MPZL1: variants seen among roughly 807,000 people sequenced by gnomAD.
MPZL1 encodes myelin protein zero like 1.
In MPZL1, 16 loss-of-function variants were observed where a neutral mutation model predicts 29.3. The ratio of observed to expected loss-of-function variants is 0.55; its 90% confidence interval spans 0.37 to 0.83. The LOEUF (loss-of-function observed/expected upper bound fraction) is 0.83. MPZL1 is among the 40% of genes least tolerant of loss of function. The pLI is 0.00. For missense variants in MPZL1, 279 were observed against 332.9 expected (o/e 0.84, Z 1.26); for synonymous variants, 143 against 132.0 (o/e 1.08, Z -0.57).
intron 1 of MPZL1, among the ~76,000 whole-genome samples, chr1:167,726,812 T>C (rs1660157069): frequency 6.6e-6 from 1 of 152,336 alleles, no homozygotes; most frequent in East Asian, 1.9e-4. Context: ...GAACATAAAA[T>C]GCAAGTTTGT....
intron 2 of MPZL1, among the ~76,000 whole-genome samples, 171 bp from the exon 3 acceptor site, chr1:167,772,104 C>T (rs1661264553): frequency 2.6e-5 from 4 of 152,114 alleles, no homozygotes; most frequent in Non-Finnish European, 5.9e-5. Context: ...GCCTCAGCAA[C>T]AGAGGGAGAC....
chr1:167,738,013 C>T (rs1660413813), intron 1 of MPZL1, among the ~76,000 whole-genome samples: 1 of 152,140 alleles, frequency 6.6e-6, no homozygotes, highest in African/African-American at 2.4e-5. Context: ...GCAAGCTCCG[C>T]CTCCTGGGTT....
At chr1:167,759,205 G>T (rs1270975913) in intron 1 of MPZL1, among the ~76,000 whole-genome samples, 1 of 152,120 alleles carries the variant, frequency 6.6e-6, no homozygotes, top group African/African-American at 2.4e-5. Context: ...TGAGATTCTA[G>T]TCTTCAGTGA....
intron 1 of MPZL1, among the ~76,000 whole-genome samples, chr1:167,760,620 T>A (rs1660965836): frequency 1.3e-5 from 2 of 152,224 alleles, no homozygotes; most frequent in South Asian, 4.2e-4. Flanking sequence ...ACTAGAAAAC[T>A]GGTGTTACCA....
chr1:167,777,035 A>G (rs1379961561), intron 5 of MPZL1, among the ~76,000 whole-genome samples: 1 of 152,212 alleles, frequency 6.6e-6, no homozygotes, highest in African/African-American at 2.4e-5. Context: ...TTAGTGACAG[A>G]ACTGGGGCTA....
chr1:167,727,900 G>A (rs1427669466), intron 1 of MPZL1, among the ~76,000 whole-genome samples: 24 of 130,428 alleles, frequency 1.8e-4, no homozygotes, highest in Middle Eastern at 3.5e-3. Flanking sequence ...ACAGAGTCTC[G>A]TTTTGTCGCC....
At chr1:167,736,852 C>A (rs1660388220) in intron 1 of MPZL1, among the ~76,000 whole-genome samples, 2 of 152,170 alleles carry the variant, frequency 1.3e-5, no homozygotes, top group Non-Finnish European at 2.9e-5. Flanking sequence ...TTGTACCACT[C>A]TTCTGTTAAG....
chr1:167,790,603 C>CAAAGGGCAGA lies in MPZL1; in HGVS notation c.*2682_*2683insAAAGGGCAGA, dbSNP rs1661690019. The CAAAGGGCAGA allele has an allele frequency of 6.6e-6, 1 of 152,230 alleles. No homozygotes were observed. The highest frequency in any genetic ancestry group is 2.4e-5 in the African/African-American group (1 of 41,454). 9.4% of individuals were successfully genotyped at this position (152,230 alleles called of 1,614,324 possible). A position where few individuals can be genotyped will look rare whatever the true frequency, so the allele number is the denominator to read the frequency against. On this transcript the variant is annotated 3_prime_UTR_variant, in exon 6 of 6. Transcript: ENST00000359523. ...GTTGCCTAAAGGGCAGATCTGCCCT[C>CAAAGGGCAGA]TCCATGTCTTCGTCCTGGCAAACAG...
intron 5 of MPZL1, among the ~76,000 whole-genome samples, chr1:167,779,248 A>C (rs1295794541): frequency 6.6e-6 from 1 of 152,194 alleles, no homozygotes. Context: ...AAATAGTGAA[A>C]TTTTTAGTAA....
intron 1 of MPZL1, among the ~76,000 whole-genome samples, chr1:167,742,662 G>A (rs1660556941): frequency 6.6e-6 from 1 of 152,088 alleles, no homozygotes; most frequent in Admixed American, 6.6e-5. Context: ...ATTTATCTTT[G>A]TTTTTGTTGC....
intron 1 of MPZL1, among the ~76,000 whole-genome samples, chr1:167,724,529 T>C (rs1660102453): frequency 6.6e-6 from 1 of 152,170 alleles, no homozygotes; most frequent in South Asian, 2.1e-4. Context: ...ACTTAGAAAG[T>C]ACGTTTGATA....
At chr1:167,767,791 G>GC in intron 2 of MPZL1, among the ~76,000 whole-genome samples, 1 of 36,794 alleles carries the variant, frequency 2.7e-5, no homozygotes, top group East Asian at 5.6e-4. Context: ...TCCCTTTTCT[G>GC]CTTTTTTTTT....
In MPZL1 at chr1:167,729,793, T is replaced by C. The variant is rs548967556; in HGVS notation, c.91+7551T>C. On this transcript the variant is annotated intron_variant, in intron 1 of 5. Transcript: ENST00000359523. ...GCTCTCATTTATTGAGTGCTTACTA[T>C]GTGCCACGCCTTTGCTAAACGATTT... Among the ~76,000 whole-genome samples, 3 of 152,356 alleles carry C rather than the reference T, an allele frequency of 2.0e-5. No homozygotes were observed. The South Asian group carries it at 6.2e-4, about 32-fold the overall frequency.
At chr1:167,770,342 G>A (rs117372565) in intron 2 of MPZL1, among the ~76,000 whole-genome samples, 1 of 152,248 alleles carries the variant, frequency 6.6e-6, no homozygotes, top group Non-Finnish European at 1.5e-5. Context: ...TTAGAGCCAA[G>A]TGTGAGGATA....
At chr1:167,767,036 T>C (rs1246384376) in intron 2 of MPZL1, among the ~76,000 whole-genome samples, 1 of 152,250 alleles carries the variant, frequency 6.6e-6, no homozygotes, top group African/African-American at 2.4e-5. Flanking sequence ...GCAACTGTTT[T>C]ACATATAAAA....
In MPZL1 at chr1:167,788,059, G is replaced by A. The variant is rs1661625864; in HGVS notation, c.*138G>A. ...ACGTGTACTCACAGAGGGAGAGAAA[G>A]ATGTGTACAAAGGATATGTATAAAT... On this transcript the variant is annotated 3_prime_UTR_variant, in exon 6 of 6. Transcript: ENST00000359523. The A allele has an allele frequency of 3.1e-6, 2 of 654,600 alleles. No individual in the cohort carries two copies. Among genetic ancestry groups the A allele is most frequent in the Non-Finnish European group, 2.8e-6 (1 of 359,508 alleles). 40.5% of individuals were successfully genotyped at this position (654,600 alleles called of 1,614,324 possible). A position where few individuals can be genotyped will look rare whatever the true frequency, so the allele number is the denominator to read the frequency against.
At chr1:167,758,874 A>G (rs1051983577) in intron 1 of MPZL1, among the ~76,000 whole-genome samples, 2 of 152,222 alleles carry the variant, frequency 1.3e-5, no homozygotes, top group South Asian at 2.1e-4. Context: ...GGTACTCCTT[A>G]TAGAACCGTT....
rs182073757 is a variant in MPZL1 at position 167,754,522 on chromosome 1, T to C, written c.92-11061T>C. On this transcript the variant is annotated intron_variant, in intron 1 of 5. Transcript: ENST00000359523. Reference sequence around the variant, plus strand: ...ATTTCTCTGCCGACATGTAAACTTATACAAGTGTGTTATTGATTAAGAAGC... The same window carrying C: ...ATTTCTCTGCCGACATGTAAACTTACACAAGTGTGTTATTGATTAAGAAGC... Among the ~76,000 whole-genome samples the C allele has an allele frequency of 1.5e-3, 232 of 152,350 alleles. 3 individuals are homozygous for C. Among genetic ancestry groups the C allele is most frequent in the African/African-American group, 5.5e-3 (230 of 41,582 alleles).
intron 1 of MPZL1, among the ~76,000 whole-genome samples, chr1:167,732,016 T>G (rs1255246990): frequency 6.6e-6 from 1 of 152,226 alleles, no homozygotes; most frequent in Admixed American, 6.5e-5. Context: ...TTTACAACTG[T>G]GATCCTATTT....
Sources: allele counts gnomAD v4.1 joint callset (sites outside exome capture counted in the v4.1 genomes callset), GRCh38; gene constraint gnomAD v4.1.1; transcripts MANE v1.5; gene names NCBI Gene and HGNC (gene_info 2026-07-23, HGNC 2026-07-21).